The following SOX5 variants were observed in gnomAD, a reference collection of about 807,000 sequenced individuals.
The protein encoded by SOX5 is SRY-box transcription factor 5, also known as transcription factor SOX-5.
SOX5 carries 9 observed loss-of-function variants against 92.0 expected under a neutral mutation model. The observed-to-expected ratio is 0.10, with a 90% CI of 0.06 to 0.17. The LOEUF is 0.17. Among genes scored for constraint, SOX5 ranks in the 10% least tolerant of loss-of-function variants. The probability of loss-of-function intolerance (pLI) is 1.00; values close to 1 mark genes in which losing one functional copy is unlikely to be tolerated. For synonymous variants in SOX5, 344 were observed against 336.3 expected (o/e 1.02, Z -0.25); for missense variants, 642 against 944.5 (o/e 0.68, Z 4.20).
intron 4 of SOX5, among the ~76,000 whole-genome samples, chr12:24,184,017 C>G (rs966299163): frequency 5.3e-5 from 8 of 152,106 alleles, no homozygotes; most frequent in African/African-American, 9.7e-5. Flanking sequence ...TAATTTCATG[C>G]TATCTGTATT....
intron 8 of SOX5, among the ~76,000 whole-genome samples, chr12:23,617,419 T>C (rs16926459): frequency 0.2 from 29,719 of 152,126 alleles, 3,235 homozygotes; most frequent in African/African-American, 0.29. Context: ...TAAAAAGCTA[T>C]AGTGAATACA....
intron 3 of SOX5, among the ~76,000 whole-genome samples, chr12:24,261,485 C>G (rs1450671806): frequency 6.6e-6 from 1 of 152,138 alleles, no homozygotes; most frequent in Non-Finnish European, 1.5e-5. Flanking sequence ...AAAATCCACT[C>G]CCACCTACCC....
At chr12:24,038,798 G>A (rs1053669256) in intron 4 of SOX5, among the ~76,000 whole-genome samples, 31 of 152,090 alleles carry the variant, frequency 2.0e-4, no homozygotes, top group African/African-American at 7.5e-4. Flanking sequence ...CTATTTCCGA[G>A]TCTTCTGCAC....
chr12:24,457,985 G>T (rs1943199204), intron 1 of SOX5, among the ~76,000 whole-genome samples: 1 of 152,070 alleles, frequency 6.6e-6, no homozygotes, highest in Non-Finnish European at 1.5e-5. Context: ...CCTAAATAGG[G>T]ATGTGAGGTA....
chr12:24,032,441 T>C (rs1003157669), intron 4 of SOX5, among the ~76,000 whole-genome samples: 5 of 151,924 alleles, frequency 3.3e-5, no homozygotes, highest in Admixed American at 6.6e-5. Context: ...ATTAATAATA[T>C]AATTGCTATA....
intron 4 of SOX5, among the ~76,000 whole-genome samples, chr12:24,169,359 T>C (rs1797804757): frequency 6.6e-6 from 1 of 152,222 alleles, no homozygotes; most frequent in Non-Finnish European, 1.5e-5. Context: ...ATTGTCAAAA[T>C]CCATTATCAA....
chr12:24,156,168 G>A (rs1952150341), intron 4 of SOX5, among the ~76,000 whole-genome samples: 2 of 152,102 alleles, frequency 1.3e-5, no homozygotes, highest in South Asian at 4.2e-4. Flanking sequence ...TTACCTGTAG[G>A]CTTATAGCCA....
At chr12:24,410,200 G>A (rs1163408388) in intron 1 of SOX5, among the ~76,000 whole-genome samples, 1 of 152,078 alleles carries the variant, frequency 6.6e-6, no homozygotes, top group Non-Finnish European at 1.5e-5. Flanking sequence ...GTTTTGCCAT[G>A]TTGACCAGGC....
chr12:24,546,659 T>C (rs1952650638), intron 1 of SOX5, among the ~76,000 whole-genome samples: 1 of 152,146 alleles, frequency 6.6e-6, no homozygotes, highest in South Asian at 2.1e-4. Flanking sequence ...CAAGGACAGG[T>C]TGGTGGAAGC....
intron 4 of SOX5, among the ~76,000 whole-genome samples, chr12:24,032,301 T>C (rs111378206): frequency 0.045 from 6,824 of 151,850 alleles, 176 homozygotes; most frequent in Admixed American, 0.065. Context: ...AATATGAGGT[T>C]TTATCATACA....
In SOX5 at chr12:23,531,593, G is replaced by T. The variant is rs1043200185; in HGVS notation, c.*2626C>A. On this transcript the variant is annotated 3_prime_UTR_variant, in exon 15 of 15. Transcript: ENST00000451604. ...GAAGGAATTTGTTAACAAAGACAGA[G>T]AACAAATTTTTTAAAAATCTGTTTT... 6.6e-6 allele frequency: 1 copy of T among 151,980 alleles called. No individual in the cohort carries two copies. The highest frequency in any genetic ancestry group is 1.5e-5 in the Non-Finnish European group (1 of 67,988). 9.4% of individuals were successfully genotyped at this position (151,980 alleles called of 1,614,324 possible). A position where few individuals can be genotyped will look rare whatever the true frequency, so the allele number is the denominator to read the frequency against.
chr12:24,247,425 G>A (rs986791134), intron 3 of SOX5, among the ~76,000 whole-genome samples: 1 of 152,038 alleles, frequency 6.6e-6, no homozygotes, highest in Non-Finnish European at 1.5e-5. Context: ...TGCAGCACAG[G>A]GTAGGTTTGG....
chr12:23,733,109 C>G (rs2093452632), intron 6 of SOX5, among the ~76,000 whole-genome samples: 1 of 152,150 alleles, frequency 6.6e-6, no homozygotes, highest in Admixed American at 6.5e-5. Context: ...TTGAGCCTTA[C>G]ACCCATTTAC....
At chr12:24,081,427 C>T (rs1249146341) in intron 4 of SOX5, among the ~76,000 whole-genome samples, 1 of 151,922 alleles carries the variant, frequency 6.6e-6, no homozygotes, top group Non-Finnish European at 1.5e-5. Context: ...TCTTGAAAGA[C>T]TTCATTTTGG....
At chr12:23,950,242 G>T (rs1269388470), upstream of SOX5, among the ~76,000 whole-genome samples, 1 of 148,638 alleles carries the variant, frequency 6.7e-6, no homozygotes, top group Non-Finnish European at 1.5e-5. Flanking sequence ...GGCTCTCTCC[G>T]TTCACACACG....
At chr12:24,354,796 G>A (rs1210940491) in intron 2 of SOX5, among the ~76,000 whole-genome samples, 4 of 152,124 alleles carry the variant, frequency 2.6e-5, no homozygotes, top group East Asian at 1.9e-4. Context: ...CAGTTTGGCC[G>A]CAGATAATCT....
At chr12:23,554,765 C>T (rs370079129) in intron 11 of SOX5, among the ~76,000 whole-genome samples, 7 of 152,186 alleles carry the variant, frequency 4.6e-5, no homozygotes, top group South Asian at 2.1e-4. Context: ...TAAATAAATG[C>T]GACATTCCTC....
At chr12:23,951,784 A>G (rs1476977013), upstream of SOX5, among the ~76,000 whole-genome samples, 1 of 152,130 alleles carries the variant, frequency 6.6e-6, no homozygotes, top group Non-Finnish European at 1.5e-5. Flanking sequence ...GGCAAAAATG[A>G]CTTGATGCTG....
intron 8 of SOX5, among the ~76,000 whole-genome samples, chr12:23,614,627 G>A (rs1005564607): frequency 3.3e-5 from 5 of 152,110 alleles, no homozygotes; most frequent in Non-Finnish European, 5.9e-5. Flanking sequence ...TGAACATTCC[G>A]GTACAAGTTT....
Sources: gnomAD v4.1 joint callset for allele counts (sites outside exome capture counted in the v4.1 genomes callset) on GRCh38, gnomAD v4.1.1 for gene constraint, MANE v1.5 for transcripts, NCBI Gene and HGNC (gene_info 2026-07-23, HGNC 2026-07-21) for gene names.